NTRK3: variants seen among roughly 807,000 people sequenced by gnomAD.
NTRK3 encodes the protein neurotrophic receptor tyrosine kinase 3, also known as NT-3 growth factor receptor.
A neutral mutation model predicts 91.7 loss-of-function variants in NTRK3; 24 were observed. The observed-to-expected ratio is 0.26, with a 90% confidence interval of 0.19 to 0.37. The LOEUF (loss-of-function observed/expected upper bound fraction) is 0.37. Among genes scored for constraint, NTRK3 ranks in the 10% least tolerant of loss-of-function variants. The pLI is 1.00. For missense variants in NTRK3, 880 were observed against 1,068.9 expected, an observed-to-expected ratio of 0.82 and a Z score of 2.46; for synonymous variants, 483 against 404.0, an observed-to-expected ratio of 1.20 and a Z score of -2.34.
chr15:88,050,242 A>G (rs1251523576), intron 13 of NTRK3, among the ~76,000 whole-genome samples: 1 of 152,158 alleles, frequency 6.6e-6, no homozygotes, highest in Non-Finnish European at 1.5e-5. Flanking sequence ...CCCAGGCTAT[A>G]GGGGAAAACT....
In NTRK3 at chr15:88,147,488, G is replaced by T. The variant is rs188616779; in HGVS notation, c.396-85C>A. 1.4e-4 allele frequency: 157 copies of T among 1,132,856 alleles called. No individual in the cohort carries two copies. The East Asian group carries it at 3.7e-3, about 27-fold the overall frequency. The allele number at this position is 1,132,856 out of a possible 1,614,324, so 70.2% of individuals were successfully genotyped here. On this transcript the variant is annotated intron_variant, in intron 5 of 18. Transcript: ENST00000394480. ...GGTAGTAAGCTTAATCATTTCACTG[G>T]AGCCTGGCTTTGTTTTCCTTCTTCT...
At chr15:88,052,457 G>A (rs1037490940) in intron 13 of NTRK3, among the ~76,000 whole-genome samples, 7 of 152,190 alleles carry the variant, frequency 4.6e-5, no homozygotes, top group South Asian at 2.1e-4. Flanking sequence ...GAGTAAGCAC[G>A]CTATGACTCT....
intron 17 of NTRK3, among the ~76,000 whole-genome samples, chr15:87,912,249 T>C (rs1287823088): frequency 1.3e-5 from 2 of 152,208 alleles, no homozygotes; most frequent in Non-Finnish European, 2.9e-5. Context: ...CACAAAGCCT[T>C]ATTAGAAAAA....
intron 13 of NTRK3, among the ~76,000 whole-genome samples, chr15:88,046,131 T>C (rs182259245): frequency 2.6e-5 from 4 of 152,204 alleles, no homozygotes; most frequent in Non-Finnish European, 5.9e-5. Context: ...AGGATGGTGA[T>C]AGATGTGGAG....
At chr15:87,935,126 G>A (rs904365247) in intron 15 of NTRK3, among the ~76,000 whole-genome samples, 2 of 152,108 alleles carry the variant, frequency 1.3e-5, no homozygotes, top group African/African-American at 2.4e-5. Flanking sequence ...ACACCTGCCT[G>A]AATTAATTTA....
At chr15:87,910,672 A>G (rs2067039115) in intron 17 of NTRK3, among the ~76,000 whole-genome samples, 1 of 152,218 alleles carries the variant, frequency 6.6e-6, no homozygotes, top group Non-Finnish European at 1.5e-5. Flanking sequence ...CTAAAATAGC[A>G]GCACCCAAAC....
At chr15:88,198,221 A>G (rs930500643) in intron 3 of NTRK3, among the ~76,000 whole-genome samples, 3 of 152,260 alleles carry the variant, frequency 2.0e-5, no homozygotes, top group Middle Eastern at 3.4e-3. Context: ...ACAGACGTGT[A>G]GTGTGAGACT....
chr15:87,952,468 G>T (rs1036727744), intron 14 of NTRK3, among the ~76,000 whole-genome samples: 5 of 152,092 alleles, frequency 3.3e-5, no homozygotes, highest in African/African-American at 1.2e-4. Context: ...GTGCAGTGGA[G>T]CGCTGGTGAT....
chr15:88,188,075 A>G (rs1221193447), intron 3 of NTRK3, among the ~76,000 whole-genome samples: 1 of 152,100 alleles, frequency 6.6e-6, no homozygotes, highest in Non-Finnish European at 1.5e-5. Context: ...CATCTTACAA[A>G]CCCACTCCCG....
In NTRK3 at chr15:88,228,364, A is replaced by T. The variant is rs533003391; in HGVS notation, c.248+27542T>A. Among the ~76,000 whole-genome samples the T allele has an allele frequency of 2.6e-5, 4 of 152,144 alleles. No homozygotes were observed. The East Asian group carries it at 5.8e-4, about 22-fold the overall frequency. ...GATCTCCCCATCCTGGCTGTCTGCT[A>T]CTTCCAATCCATGGCTGGCTGTTAT... On this transcript the variant is annotated intron_variant, in intron 3 of 18. Transcript: ENST00000394480.
intron 5 of NTRK3, among the ~76,000 whole-genome samples, 199 bp downstream of exon 5, chr15:88,183,219 C>T (rs1343635963): frequency 6.6e-6 from 1 of 152,096 alleles, no homozygotes; most frequent in East Asian, 1.9e-4. Context: ...CTAGATTTTT[C>T]CTTCTGACAG....
At chr15:87,943,042 G>C (rs1023674674) in intron 14 of NTRK3, among the ~76,000 whole-genome samples, 1 of 151,922 alleles carries the variant, frequency 6.6e-6, no homozygotes, top group Non-Finnish European at 1.5e-5. Context: ...TGTAATAGGA[G>C]AACTTGAGAA....
At chr15:88,089,368 G>C (rs2048800210) in intron 13 of NTRK3, among the ~76,000 whole-genome samples, 1 of 152,146 alleles carries the variant, frequency 6.6e-6, no homozygotes, top group South Asian at 2.1e-4. Flanking sequence ...GAAATAATCA[G>C]AGATGTACGT....
intron 3 of NTRK3, among the ~76,000 whole-genome samples, chr15:88,228,703 A>G (rs2050899335): frequency 6.6e-6 from 1 of 152,068 alleles, no homozygotes; most frequent in African/African-American, 2.4e-5. Flanking sequence ...CCTCAAAATA[A>G]CTTCCACAAA....
exon 19 of NTRK3, chr15:87,863,202 G>A: frequency 4.4e-6 from 1 of 228,470 alleles, no homozygotes; most frequent in Non-Finnish European, 8.7e-6. Flanking sequence ...GAATGTGACA[G>A]AGACAGCTAA....
chr15:87,877,528 T>C (rs1478264905), intron 18 of NTRK3, among the ~76,000 whole-genome samples: 2 of 152,142 alleles, frequency 1.3e-5, no homozygotes, highest in Non-Finnish European at 2.9e-5. Flanking sequence ...CTGCCTCACT[T>C]TGAAACTGCC....
intron 13 of NTRK3, among the ~76,000 whole-genome samples, chr15:88,034,570 T>G (rs1034176427): frequency 4.6e-5 from 7 of 152,232 alleles, no homozygotes; most frequent in Non-Finnish European, 8.8e-5. Flanking sequence ...CCAGACAAAG[T>G]GCCTGCTGTG....
intron 5 of NTRK3, among the ~76,000 whole-genome samples, chr15:88,159,784 T>C (rs1597673590): frequency 6.6e-6 from 1 of 151,982 alleles, no homozygotes; most frequent in Middle Eastern, 3.4e-3. Flanking sequence ...TGATGGAGAA[T>C]CTCCAATGGG....
At chr15:88,107,917 C>T (rs1486470679) in intron 13 of NTRK3, among the ~76,000 whole-genome samples, 2 of 151,898 alleles carry the variant, frequency 1.3e-5, no homozygotes, top group Non-Finnish European at 2.9e-5. Context: ...CAGAGATATC[C>T]CAATGGCAGG....
Sources: gnomAD v4.1 joint callset for allele counts (sites outside exome capture counted in the v4.1 genomes callset) on GRCh38, gnomAD v4.1.1 for gene constraint, MANE v1.5 for transcripts, NCBI Gene and HGNC (gene_info 2026-07-23, HGNC 2026-07-21) for gene names.